The following NEO1 variants were observed in gnomAD, a reference collection of about 807,000 sequenced individuals.
The protein encoded by NEO1 is neogenin 1, also known as neogenin.
In NEO1, 63 loss-of-function variants were observed where a neutral mutation model predicts 159.7. That is an observed-to-expected ratio of 0.39 (90% confidence interval 0.32 to 0.49). The LOEUF (loss-of-function observed/expected upper bound fraction) is 0.49. NEO1 is among the 20% of genes least tolerant of loss of function. NEO1 has a pLI of 0.85. For synonymous variants in NEO1, 633 were observed against 662.0 expected (o/e 0.96, Z 0.67); for missense variants, 1,615 against 1,831.0 (o/e 0.88, Z 2.15).
chr15:73,271,781 C>T (rs1240063511), intron 18 of NEO1, among the ~76,000 whole-genome samples: 1 of 151,914 alleles, frequency 6.6e-6, no homozygotes, highest in African/African-American at 2.4e-5. Flanking sequence ...GTGGTGCGCA[C>T]CTGTAATCCC....
intron 15 of NEO1, among the ~76,000 whole-genome samples, chr15:73,266,045 A>G (rs1360721004): frequency 1.3e-5 from 2 of 152,206 alleles, no homozygotes; most frequent in South Asian, 2.1e-4. Context: ...TACCCTGAAC[A>G]TCACTAAACC....
rs1161327806 is a variant in NEO1 at position 73,137,799 on chromosome 15, A to G, written c.1015+1772A>G. On this transcript the variant is annotated intron_variant, in intron 5 of 28. Coordinates refer to ENST00000261908, the MANE Select transcript of NEO1 (RefSeq NM_002499.4). ...GGCATGAGCCACTGTGCCTAGCCAG[A>G]GAAAGGTATAACATTGATGAGCAAA... Among the ~76,000 whole-genome samples, 3 of 152,104 alleles carry G rather than the reference A, an allele frequency of 2.0e-5. No homozygotes were observed. In the East Asian group the frequency reaches 5.8e-4, roughly 29 times the overall value.
intron 5 of NEO1, among the ~76,000 whole-genome samples, chr15:73,159,901 C>T (rs1299384166): frequency 6.6e-6 from 1 of 152,132 alleles, no homozygotes; most frequent in Non-Finnish European, 1.5e-5. Context: ...ATATATAAGA[C>T]TGCCCGTTTC....
At chr15:73,149,960 C>T (rs1047463272) in intron 5 of NEO1, among the ~76,000 whole-genome samples, 10 of 152,156 alleles carry the variant, frequency 6.6e-5, no homozygotes, top group African/African-American at 2.4e-4. Flanking sequence ...CTTATTTCTT[C>T]TATCAACTGT....
intron 27 of NEO1, 127 bp from the exon 28 acceptor site, chr15:73,301,194 G>A: frequency 8.2e-7 from 1 of 1,220,426 alleles, no homozygotes. Flanking sequence ...TAACTTTTCA[G>A]AGCAGTATCC....
At chr15:73,251,033 T>C (rs2040039984) in intron 11 of NEO1, among the ~76,000 whole-genome samples, 1 of 152,226 alleles carries the variant, frequency 6.6e-6, no homozygotes, top group Non-Finnish European at 1.5e-5. Context: ...GTATGATGAC[T>C]GCAGTCATCT....
At chr15:73,077,581 T>TC (rs2068835281) in intron 1 of NEO1, among the ~76,000 whole-genome samples, 2 of 152,218 alleles carry the variant, frequency 1.3e-5, no homozygotes, top group South Asian at 4.1e-4. Flanking sequence ...GAAGGAGAAG[T>TC]CCAGTCTATT....
intron 4 of NEO1, among the ~76,000 whole-genome samples, chr15:73,131,655 C>T (rs2031149403): frequency 6.6e-6 from 1 of 152,190 alleles, no homozygotes. Context: ...CCAAATACAC[C>T]TTCACACTCC....
chr15:73,303,009 A>G lies in NEO1; in HGVS notation c.*313A>G, dbSNP rs546462524. The G allele has an allele frequency of 2.4e-4, 73 of 299,630 alleles. 1 individual carries two copies. The East Asian group carries it at 4.0e-3, about 17-fold the overall frequency. 18.6% of individuals were successfully genotyped at this position (299,630 alleles called of 1,614,324 possible). A position where few individuals can be genotyped will look rare whatever the true frequency, so the allele number is the denominator to read the frequency against. On this transcript the variant is annotated 3_prime_UTR_variant, in exon 29 of 29. Coordinates refer to ENST00000261908, the MANE Select transcript of NEO1 (RefSeq NM_002499.4). ...GCAACCTGCATTTCACTTTGTGGTC[A>G]GGCCGTGTCTTTGTGCTGTGACTGC...
intron 5 of NEO1, among the ~76,000 whole-genome samples, chr15:73,159,206 C>CT (rs1316973980): frequency 1.3e-5 from 2 of 152,284 alleles, no homozygotes; most frequent in African/African-American, 4.8e-5. Flanking sequence ...CTGATAAACA[C>CT]TACAAACGTT....
intron 27 of NEO1, 43 bp downstream of exon 27, chr15:73,298,654 G>A: frequency 1.9e-6 from 3 of 1,605,936 alleles, no homozygotes; most frequent in East Asian, 2.2e-5. Context: ...CACACCTGGA[G>A]TGACCCTTTG....
At position 73,076,375 on chromosome 15, in the gene NEO1, C is replaced by T. The variant is rs142039977; in HGVS notation, c.130+23570C>T. ...AGAGGTCCTACCTTCAAAAGGTTTA[C>T]GATCTGATTGGAGACTGAAGGACCT... On this transcript the variant is annotated intron_variant, in intron 1 of 28. Transcript: ENST00000261908. Among the ~76,000 whole-genome samples, 646 of 152,236 alleles carry T rather than the reference C, an allele frequency of 4.2e-3. 4 individuals carry two copies. The highest frequency in any genetic ancestry group is 7.2e-3 in the Non-Finnish European group (490 of 68,018).
intron 5 of NEO1, among the ~76,000 whole-genome samples, chr15:73,169,998 G>C (rs2034847762): frequency 6.6e-6 from 1 of 151,966 alleles, no homozygotes; most frequent in African/African-American, 2.4e-5. Context: ...AATGTACCTT[G>C]TCTTTATAGA....
At chr15:73,140,597 T>C (rs958051064) in intron 5 of NEO1, among the ~76,000 whole-genome samples, 8 of 152,084 alleles carry the variant, frequency 5.3e-5, no homozygotes, top group Admixed American at 4.6e-4. Context: ...AAATACCCTA[T>C]GATATAGTAG....
intron 5 of NEO1, among the ~76,000 whole-genome samples, chr15:73,148,546 CT>C (rs750957469): frequency 2.6e-5 from 4 of 152,174 alleles, no homozygotes; most frequent in African/African-American, 9.7e-5. Flanking sequence ...ATTTCTACCC[CT>C]AACTGTTAAG....
intron 16 of NEO1, among the ~76,000 whole-genome samples, chr15:73,266,786 C>T (rs191302242): frequency 1.3e-5 from 2 of 152,104 alleles, no homozygotes; most frequent in Admixed American, 6.5e-5. Context: ...TAAATGCATG[C>T]GATTCGTGAA....
At chr15:73,234,526 A>G (rs1269616391) in intron 7 of NEO1, among the ~76,000 whole-genome samples, 1 of 152,162 alleles carries the variant, frequency 6.6e-6, no homozygotes, top group Non-Finnish European at 1.5e-5. Flanking sequence ...CAAACTCTGA[A>G]AGCTGTGAAT....
chr15:73,102,759 A>C (rs902539098), intron 1 of NEO1, among the ~76,000 whole-genome samples: 4 of 152,078 alleles, frequency 2.6e-5, no homozygotes, highest in African/African-American at 9.7e-5. Flanking sequence ...TTCAGATTTT[A>C]CATTTCTCTG....
At chr15:73,179,075 T>C (rs965137441) in intron 7 of NEO1, among the ~76,000 whole-genome samples, 3 of 152,168 alleles carry the variant, frequency 2.0e-5, no homozygotes, top group African/African-American at 7.2e-5. Context: ...TATTTAAAAA[T>C]TCAGATAACA....
Sources: allele counts gnomAD v4.1 joint callset (sites outside exome capture counted in the v4.1 genomes callset), GRCh38; gene constraint gnomAD v4.1.1; transcripts MANE v1.5; gene names NCBI Gene and HGNC (gene_info 2026-07-23, HGNC 2026-07-21).